ATG9B: variants seen among roughly 807,000 people sequenced by gnomAD.
ATG9B encodes autophagy-related protein 9B.
In ATG9B, 92 loss-of-function variants were observed where a neutral mutation model predicts 92.9. That is an observed-to-expected ratio of 0.99 (90% CI 0.84 to 1.18). The LOEUF (loss-of-function observed/expected upper bound fraction) is 1.18. Ranked by LOEUF, ATG9B falls within the 50% of genes most tolerant of loss-of-function variation. The pLI is 0.00. For synonymous variants in ATG9B, 599 were observed against 551.4 expected (o/e 1.09, Z -1.21); for missense variants, 1,344 against 1,235.0 (o/e 1.09, Z -1.32).
Position 151,017,052 on chromosome 7 carries a change from T to C in ATG9B, c.2273A>G (p.Asn758Ser), listed in dbSNP as rs561910561. 1.3e-6 allele frequency: 2 copies of C among 1,596,004 alleles called. No homozygotes were observed. Among genetic ancestry groups the C allele is most frequent in the East Asian group, 2.3e-5 (1 of 43,972 alleles). Residue 758 changes from asparagine to serine, a missense_variant, in exon 9 of 14, where the codon AAC (asparagine) becomes AGC (serine). By Grantham distance (46) the Asn-to-Ser change is conservative (BLOSUM62 1). Transcript: ENST00000639579. ...RGPSTPGVLS[N>S]CTSPLPEAFL... ...GGGACTCACCAGGGGCGAGGTGCAGTTGCTGAGCACCCCCGGGGTGGAGGG... is the reference window on the plus strand; with the variant it reads ...GGGACTCACCAGGGGCGAGGTGCAGCTGCTGAGCACCCCCGGGGTGGAGGG...
In ATG9B at chr7:151,024,038, G is replaced by A; in HGVS notation, c.386C>T (p.Pro129Leu). Residue 129 changes from proline (P) to leucine (L), a missense_variant, in exon 1 of 14, where the codon CCC becomes CTC. Physicochemically the swap from Pro to Leu is moderately conservative, Grantham distance 98. Coordinates refer to ENST00000639579, the MANE Select transcript of ATG9B (RefSeq NM_001317056.2). ...AGAGTCCTGGGGGCACTGCTGTGAG[G>A]GAGTGGGGGTTGCCGGGGCCAGGGG... Reference protein sequence around the residue: ...TPPLAPATPTPSQQCPQDSPG... With the variant: ...TPPLAPATPTLSQQCPQDSPG... 1 of 1,591,066 alleles carries A rather than the reference G, an allele frequency of 6.3e-7. No homozygotes were observed. The highest frequency in any genetic ancestry group is 8.6e-7 in the Non-Finnish European group (1 of 1,168,856).
Position 151,016,128 on chromosome 7 carries a change from C to T in ATG9B, c.2628G>A (p.Lys876=). 6.5e-7 allele frequency: 1 copy of T among 1,539,682 alleles called. No individual in the cohort carries two copies. The highest frequency in any genetic ancestry group is 8.8e-7 in the Non-Finnish European group (1 of 1,140,036). The change falls in exon 12 of 14, where the codon AAG becomes AAA. Residue 876 remains lysine (K), a synonymous_variant. Transcript: ENST00000639579. ...PSQPPSPDEE[K]PSWSSDGSSP... ...CCTCACCGTCACTTGACCAGGATGGCTTCTCCTCATCAGGCGAGGGTGGCT... is the reference window on the plus strand; with the variant it reads ...CCTCACCGTCACTTGACCAGGATGGTTTCTCCTCATCAGGCGAGGGTGGCT...
chr7:151,018,654 T>C lies in ATG9B; in HGVS notation c.1684A>G (p.Met562Val), dbSNP rs897319179. 6.2e-7 allele frequency: 1 copy of C among 1,607,490 alleles called. No individual in the cohort carries two copies. Among genetic ancestry groups the C allele is most frequent in the Admixed American group, 1.7e-5 (1 of 59,836 alleles). ...VLAVEHVLTA[M>V]TALGVTATVA... is the part of the protein sequence containing the mutation. ...GTGGCGGTGACCCCGAGCGCGGTCA[T>C]GGCGGTGAGCACGTGCTCCACGGCT... The change falls in exon 6 of 14, where the codon ATG becomes GTG. Residue 562 changes from methionine (M) to valine (V), a missense_variant. By Grantham distance (21) the Met-to-Val change is conservative. Coordinates refer to ENST00000639579, the MANE Select transcript of ATG9B (RefSeq NM_001317056.2). This position sits in a 1 kb window ranked among gnomAD's most constrained non-coding sequence, Gnocchi z 4.7.
chr7:151,017,004 A>AG, intron 9 of ATG9B, 32 bp downstream of exon 9: 1 of 1,557,462 alleles, frequency 6.4e-7, no homozygotes, highest in East Asian at 2.4e-5. Flanking sequence ...GTGGGGGTGA[A>AG]GGCAGAAGGG....
rs756935510 is a variant in ATG9B at position 151,017,039 on chromosome 7, G to A, written c.2286C>T (p.Pro762=). Residue 762 remains proline (P), a synonymous_variant, in exon 9 of 14, where the codon CCC becomes CCT. Coordinates refer to ENST00000639579, the MANE Select transcript of ATG9B (RefSeq NM_001317056.2). ...TPGVLSNCTS[P]LPEAFLANLF... The stretch of plus-strand genomic sequence containing the variant: ...GGAGGCCAGGCTTGGGACTCACCAG[G>A]GGCGAGGTGCAGTTGCTGAGCACCC... The A allele has an allele frequency of 6.3e-7, 1 of 1,586,328 alleles. No homozygotes were observed. The highest frequency in any genetic ancestry group is 1.3e-5 in the African/African-American group (1 of 74,540).
Position 151,015,884 on chromosome 7 carries a change from TG to T in ATG9B, c.*11del. On this transcript the variant is annotated 3_prime_UTR_variant, in exon 13 of 14. Transcript: ENST00000639579. ...CCCTCACAGGAGGCAATACTGACCC[TG>T]AGGAGTCGTCTCAGTCAGTGCAAGA... is the stretch of plus-strand genomic sequence containing the variant. 3 of 1,550,840 alleles carry T rather than the reference TG, an allele frequency of 1.9e-6. No homozygotes were observed. Among genetic ancestry groups the T allele is most frequent in the Non-Finnish European group, 2.6e-6 (3 of 1,146,608 alleles).
chr7:151,019,321 C>T lies in ATG9B; in HGVS notation c.1017G>A (p.Leu339=). 1 of 1,574,396 alleles carries T rather than the reference C, an allele frequency of 6.4e-7. No homozygotes were observed. Among genetic ancestry groups the T allele is most frequent in the East Asian group, 2.2e-5 (1 of 44,516 alleles). ...WAEVQSRLLA[L]QRSGGLCVQP... is the part of the protein sequence containing the mutation. Reference sequence around the variant, plus strand: ...GCACGCACAGGCCCCCGCTCCGCTGCAGTGCCAAGAGGCGGGACTGCACCT... The same window carrying T: ...GCACGCACAGGCCCCCGCTCCGCTGTAGTGCCAAGAGGCGGGACTGCACCT... Residue 339 remains leucine (L), a synonymous_variant, in exon 6 of 14, where the codon CTG becomes CTA. Transcript: ENST00000639579.
At chr7:151,014,191 C>T, downstream of ATG9B, 1 of 1,586,658 alleles carries the variant, frequency 6.3e-7, no homozygotes, top group South Asian at 1.1e-5. Context: ...CTTTCCCTTC[C>T]AGTTCCGGGA....
At chr7:151,014,245 G>A (rs1795390391), downstream of ATG9B, 3 of 1,410,264 alleles carry the variant, frequency 2.1e-6, no homozygotes, top group African/African-American at 1.4e-5. Flanking sequence ...GATCAGCCCC[G>A]CTCCTCCCCT....
chr7:151,021,020 G>T, intron 5 of ATG9B, 168 bp downstream of exon 5: 3 of 756,096 alleles, frequency 4.0e-6, no homozygotes, highest in Non-Finnish European at 6.6e-6. Flanking sequence ...CTAGGTGGTG[G>T]TAGCCCCCTC....
At chr7:151,012,675 ATAG>A, downstream of ATG9B, 4 of 563,030 alleles carry the variant, frequency 7.1e-6, no homozygotes, top group South Asian at 4.7e-5. Flanking sequence ...TGCCTGGTAC[ATAG>A]TAGGTGTTGA....
rs1795613630 is a variant in ATG9B at position 151,018,660 on chromosome 7, T to G, written c.1678A>C (p.Thr560Pro). Residue 560 changes from threonine (T) to proline (P), a missense_variant, in exon 6 of 14, where the codon ACC becomes CCC. Coordinates refer to ENST00000639579, the MANE Select transcript of ATG9B (RefSeq NM_001317056.2). The surrounding 1 kb of genome is among the most constrained non-coding windows in gnomAD (Gnocchi z 4.7). ...GTGACCCCGAGCGCGGTCATGGCGGTGAGCACGTGCTCCACGGCTAGCACG... is the reference window on the plus strand; with the variant it reads ...GTGACCCCGAGCGCGGTCATGGCGGGGAGCACGTGCTCCACGGCTAGCACG... ...EDVLAVEHVLTAMTALGVTAT... is the reference protein window; with the variant it reads ...EDVLAVEHVLPAMTALGVTAT... 6.2e-7 allele frequency: 1 copy of G among 1,607,162 alleles called. No individual in the cohort carries two copies. Among genetic ancestry groups the G allele is most frequent in the Non-Finnish European group, 8.5e-7 (1 of 1,178,872 alleles).
In ATG9B at chr7:151,018,811, G is replaced by C. The variant is rs1242824682; in HGVS notation, c.1527C>G (p.Pro509=). 3.9e-6 allele frequency: 5 copies of C among 1,293,208 alleles called. No individual in the cohort carries two copies. Among genetic ancestry groups the C allele is most frequent in the South Asian group, 2.4e-5 (1 of 42,016 alleles). The allele number at this position is 1,293,208 out of a possible 1,614,324, so 80.1% of individuals were successfully genotyped here. The change falls in exon 6 of 14, where the codon CCC becomes CCG. Residue 509 remains proline, a synonymous_variant. Coordinates refer to ENST00000639579, the MANE Select transcript of ATG9B (RefSeq NM_001317056.2). The surrounding 1 kb of genome is among the most constrained non-coding windows in gnomAD (Gnocchi z 4.7). Reference sequence around the variant, plus strand: ...CAGCGGTGCGCAGGAAGGCGGCGGCGGGGCGGTAGGCGCGGGCCAGGCGCG... The same window carrying C: ...CAGCGGTGCGCAGGAAGGCGGCGGCCGGGCGGTAGGCGCGGGCCAGGCGCG... The part of the protein sequence containing the change: ...LRARLARAYR[P]AAAFLRTAAP...
rs1795468641 is a variant in ATG9B at position 151,016,092 on chromosome 7, G to A, written c.2647+17C>T. ...TGTCCACCAGGCTCTGTCCCCTGCA[G>A]GCCCCACCCTCCTCACCGTCACTTG... On this transcript the variant is annotated intron_variant, in intron 12 of 13. Transcript: ENST00000639579. The A allele has an allele frequency of 1.3e-6, 2 of 1,538,938 alleles. No homozygotes were observed. Among genetic ancestry groups the A allele is most frequent in the African/African-American group, 2.7e-5 (2 of 72,742 alleles).
At chr7:151,013,730 G>A (rs1471524887), downstream of ATG9B, 10 of 1,604,136 alleles carry the variant, frequency 6.2e-6, no homozygotes, top group African/African-American at 1.3e-4. Flanking sequence ...GCAGACCTAC[G>A]TGCAGGACAT....
chr7:151,019,382 G>A lies in ATG9B; in HGVS notation c.964-8C>T. On this transcript the variant is annotated splice_polypyrimidine_tract_variant and splice_region_variant and intron_variant, in intron 5 of 13. Transcript: ENST00000639579. ...AACCGAGCTCAGCTCCTCCTGAAAGGGGCACTGATGAGAGCCAGCGACCCC... is the reference window on the plus strand; with the variant it reads ...AACCGAGCTCAGCTCCTCCTGAAAGAGGCACTGATGAGAGCCAGCGACCCC... 2.0e-6 allele frequency: 3 copies of A among 1,507,156 alleles called. No homozygotes were observed. Among genetic ancestry groups the A allele is most frequent in the Non-Finnish European group, 2.6e-6 (3 of 1,135,652 alleles). The allele number at this position is 1,507,156 out of a possible 1,614,324, so 93.4% of individuals were successfully genotyped here. A position where few individuals can be genotyped will look rare whatever the true frequency, so the allele number is the denominator to read the frequency against.
chr7:151,016,596 C>T, intron 10 of ATG9B, 69 bp from the exon 11 acceptor site: 1 of 1,544,654 alleles, frequency 6.5e-7, no homozygotes, highest in East Asian at 2.4e-5. Context: ...GACTCCCCTT[C>T]TGAATCCCCC....
At chr7:151,014,294 A>G, downstream of ATG9B, 2 of 1,014,014 alleles carry the variant, frequency 2.0e-6, no homozygotes, top group South Asian at 3.3e-5. Context: ...CAGAGGCTGC[A>G]AGGATTCAGC....
chr7:151,022,406 G>C (rs1484410920), intron 4 of ATG9B, among the ~76,000 whole-genome samples: 2 of 151,484 alleles, frequency 1.3e-5, no homozygotes, highest in African/African-American at 2.4e-5. Context: ...AAAGTGCTGG[G>C]ATTACAGGTG....
Sources: allele counts gnomAD v4.1 joint callset (sites outside exome capture counted in the v4.1 genomes callset), GRCh38; gene constraint gnomAD v4.1.1; non-coding constraint Gnocchi (gnomAD v3.1); transcripts MANE v1.5; gene names NCBI Gene and HGNC (gene_info 2026-07-23, HGNC 2026-07-21).